The following INPP5D variants were observed in gnomAD, a reference collection of about 807,000 sequenced individuals.
The protein encoded by INPP5D is inositol polyphosphate-5-phosphatase D.
INPP5D carries 33 observed loss-of-function variants against 122.9 expected under a neutral mutation model. That is an observed-to-expected ratio of 0.27 (90% CI 0.20 to 0.36). INPP5D has a LOEUF of 0.36. Ranked by LOEUF, INPP5D falls within the 10% of genes least tolerant of loss-of-function variation. INPP5D has a pLI of 1.00. For synonymous variants in INPP5D, 584 were observed against 576.2 expected (o/e 1.01, Z -0.19); for missense variants, 1,053 against 1,412.7 (o/e 0.75, Z 4.08).
rs867796039 is a variant in INPP5D at position 233,094,310 on chromosome 2, C to T, written c.198+14912C>T. Reference sequence around the variant, plus strand: ...GGCAGATCACTTGAGGTCAGGAGTTCGAGACCAGACTGACCAACATGGTGA... The same window carrying T: ...GGCAGATCACTTGAGGTCAGGAGTTTGAGACCAGACTGACCAACATGGTGA... On this transcript the variant is annotated intron_variant, in intron 2 of 26. Coordinates refer to ENST00000445964, the MANE Select transcript of INPP5D (RefSeq NM_001017915.3). 5.3e-5 allele frequency among the ~76,000 whole-genome samples: 8 copies of T among 151,752 alleles called. No individual in the cohort carries two copies. In the East Asian group the frequency reaches 1.2e-3, roughly 22 times the overall value.
chr2:233,118,183 G>A (rs1478775768), intron 2 of INPP5D, among the ~76,000 whole-genome samples: 1 of 152,142 alleles, frequency 6.6e-6, no homozygotes, highest in Non-Finnish European at 1.5e-5. Context: ...CTTTGACTGG[G>A]TGGGGATTGT....
chr2:233,106,251 T>C (rs766894995), intron 2 of INPP5D, among the ~76,000 whole-genome samples: 1 of 152,184 alleles, frequency 6.6e-6, no homozygotes, highest in African/African-American at 2.4e-5. Flanking sequence ...GCTAATCTAG[T>C]TGGGCTGTCT....
At chr2:233,130,336 A>G (rs1408090009) in intron 4 of INPP5D, among the ~76,000 whole-genome samples, 172 bp from the exon 5 acceptor site, 5 of 152,034 alleles carry the variant, frequency 3.3e-5, no homozygotes, top group Non-Finnish European at 7.4e-5. Flanking sequence ...AATCTACCCC[A>G]TCAGTGAGAC....
chr2:233,164,553 C>T lies in INPP5D; in HGVS notation c.1555+129C>T. ...AGCCTCACATCCTCAGATCCTGGCT[C>T]AGTCCTCAGCAAATAGGGGTGATTG... On this transcript the variant is annotated intron_variant, in intron 13 of 26. Coordinates refer to ENST00000445964, the MANE Select transcript of INPP5D (RefSeq NM_001017915.3). The surrounding 1 kb of genome is among the most constrained non-coding windows in gnomAD (Gnocchi z 4.3). The T allele has an allele frequency of 1.5e-6, 2 of 1,331,222 alleles. No homozygotes were observed. The highest frequency in any genetic ancestry group is 1.7e-5 in the South Asian group (1 of 59,858). The allele number at this position is 1,331,222 out of a possible 1,614,324, so 82.5% of individuals were successfully genotyped here. A position where few individuals can be genotyped will look rare whatever the true frequency, so the allele number is the denominator to read the frequency against.
Position 233,169,964 on chromosome 2 carries a change from C to T in INPP5D, c.1653-62C>T, listed in dbSNP as rs1349422468. The T allele has an allele frequency of 2.5e-6, 4 of 1,609,042 alleles. No individual in the cohort carries two copies. In the African/African-American group the frequency reaches 5.3e-5, roughly 21 times the overall value. On this transcript the variant is annotated intron_variant, in intron 14 of 26. Transcript: ENST00000445964. The stretch of plus-strand genomic sequence containing the variant: ...CCACACCTATGGCAGGAGTGACTTC[C>T]TGCCACAGTGGAGGGGGAACCAGTG...
At chr2:233,103,127 A>G (rs544805035) in intron 2 of INPP5D, among the ~76,000 whole-genome samples, 11 of 152,258 alleles carry the variant, frequency 7.2e-5, no homozygotes, top group African/African-American at 2.4e-4. Context: ...TGCTGCGTGC[A>G]CAGCAAGCTC....
intron 22 of INPP5D, 134 bp from the exon 23 acceptor site, chr2:233,193,678 T>G (rs1387946920): frequency 1.7e-5 from 25 of 1,451,656 alleles, no homozygotes; most frequent in East Asian, 4.6e-5. Context: ...TACTGTGGTG[T>G]TGTTCTGACG....
intron 1 of INPP5D, among the ~76,000 whole-genome samples, chr2:233,069,493 A>T (rs1204366324): frequency 6.6e-6 from 1 of 152,212 alleles, no homozygotes; most frequent in Non-Finnish European, 1.5e-5. Flanking sequence ...CCCTGTATGT[A>T]TGTAATTTCC....
chr2:233,123,609 G>A (rs967757600), intron 3 of INPP5D, among the ~76,000 whole-genome samples: 1 of 152,152 alleles, frequency 6.6e-6, no homozygotes, highest in Admixed American at 6.5e-5. Flanking sequence ...TCCCCTCAAG[G>A]ATTTACTGAG....
intron 6 of INPP5D, among the ~76,000 whole-genome samples, chr2:233,144,651 T>TAGGG (rs1461891256): frequency 1.6e-5 from 1 of 62,386 alleles, no homozygotes; most frequent in African/African-American, 4.1e-5. Context: ...GTGGGAGTGA[T>TAGGG]GGGGTAGAGA....
At chr2:233,146,555 G>T (rs372179108) in intron 8 of INPP5D, 117 bp downstream of exon 8, 25 of 682,010 alleles carry the variant, frequency 3.7e-5, no homozygotes, top group African/African-American at 5.3e-5. Flanking sequence ...AGCAGGGAGC[G>T]CATTAGCCAA....
At position 233,128,908 on chromosome 2, in the gene INPP5D, G is replaced by A. The variant is rs893764132; in HGVS notation, c.525-1600G>A. On this transcript the variant is annotated intron_variant, in intron 4 of 26. Transcript: ENST00000445964. The surrounding 1 kb of genome is among the most constrained non-coding windows in gnomAD (Gnocchi z 4.5). ...TAAAAATCTTTAAGGCGGCTGGGCA[G>A]GGTGGTTCACACCTGTTATCCCAGC... Among the ~76,000 whole-genome samples the A allele has an allele frequency of 1.3e-5, 2 of 152,162 alleles. No individual in the cohort carries two copies. Among genetic ancestry groups the A allele is most frequent in the Non-Finnish European group, 2.9e-5 (2 of 68,028 alleles).
intron 2 of INPP5D, among the ~76,000 whole-genome samples, chr2:233,097,434 C>T (rs1382547280): frequency 6.6e-6 from 1 of 152,196 alleles, no homozygotes; most frequent in African/African-American, 2.4e-5. Flanking sequence ...AACTTATGTT[C>T]TTATAACATC....
At chr2:233,075,070 G>A (rs899590191) in intron 1 of INPP5D, among the ~76,000 whole-genome samples, 2 of 152,190 alleles carry the variant, frequency 1.3e-5, no homozygotes, top group African/African-American at 4.8e-5. Flanking sequence ...CTTCTACTGA[G>A]AAGCACCTTC....
intron 25 of INPP5D, among the ~76,000 whole-genome samples, chr2:233,201,707 C>A (rs1313565198): frequency 3.3e-5 from 5 of 152,216 alleles, no homozygotes; most frequent in Non-Finnish European, 7.3e-5. Flanking sequence ...CCCTTCAGTC[C>A]TGCGTAAGCA....
rs142478531 is a variant in INPP5D at position 233,120,989 on chromosome 2, G to A, written c.199-1118G>A. Among the ~76,000 whole-genome samples the A allele has an allele frequency of 8.0e-3, 1,219 of 151,748 alleles. 5 individuals are homozygous for A. Among genetic ancestry groups the A allele is most frequent in the Non-Finnish European group, 0.013 (886 of 67,964 alleles). On this transcript the variant is annotated intron_variant, in intron 2 of 26. Coordinates refer to ENST00000445964, the MANE Select transcript of INPP5D (RefSeq NM_001017915.3). ...GTGTTTTTTTTAAAAAAAGTTCTTC[G>A]TGCAGGAAAAAATAAAAGTAACTTC...
intron 2 of INPP5D, among the ~76,000 whole-genome samples, chr2:233,098,469 T>A (rs1430751659): frequency 1.3e-5 from 2 of 152,192 alleles, no homozygotes; most frequent in Non-Finnish European, 2.9e-5. Context: ...GGCCACAACC[T>A]GTATATCTCT....
In INPP5D at chr2:233,136,608, G is replaced by A. The variant is rs141104344; in HGVS notation, c.666-3234G>A. Among the ~76,000 whole-genome samples, 352 of 152,230 alleles carry A rather than the reference G, an allele frequency of 2.3e-3. 2 individuals carry two copies. Among genetic ancestry groups the A allele is most frequent in the Non-Finnish European group, 3.9e-3 (268 of 68,016 alleles). ...CAGGACCCAGCAAAGTACATGAAAT[G>A]TTGATTTATTCGATATTCATGAACA... On this transcript the variant is annotated intron_variant, in intron 5 of 26. Transcript: ENST00000445964.
At chr2:233,155,800 G>A (rs578060425) in intron 9 of INPP5D, among the ~76,000 whole-genome samples, 1 of 152,130 alleles carries the variant, frequency 6.6e-6, no homozygotes, top group East Asian at 1.9e-4. Flanking sequence ...GTTGAAAATG[G>A]CCAAGTGCTC....
Sources: gnomAD v4.1 joint callset for allele counts (sites outside exome capture counted in the v4.1 genomes callset) on GRCh38, gnomAD v4.1.1 for gene constraint, Gnocchi (gnomAD v3.1) non-coding constraint, MANE v1.5 for transcripts, NCBI Gene and HGNC (gene_info 2026-07-23, HGNC 2026-07-21) for gene names.